GSE1: variants seen among roughly 807,000 people sequenced by gnomAD.
GSE1 encodes Gse1 coiled-coil protein.
Under a neutral mutation model 112.6 loss-of-function variants are expected in GSE1, and 32 were observed. That is an observed-to-expected ratio of 0.28 (90% CI 0.21 to 0.38). The LOEUF is 0.38. Among genes scored for constraint, GSE1 ranks in the 10% least tolerant of loss-of-function variants. The probability of loss-of-function intolerance (pLI) is 1.00; values close to 1 mark genes in which losing one functional copy is unlikely to be tolerated. For synonymous variants in GSE1, 1,115 were observed against 735.6 expected, an observed-to-expected ratio of 1.52 and a Z score of -8.35; for missense variants, 2,348 against 1,699.2, an observed-to-expected ratio of 1.38 and a Z score of -6.71.
At chr16:85,620,727 G>C (rs796427337) in intron 1 of GSE1, among the ~76,000 whole-genome samples, 13 of 152,402 alleles carry the variant, frequency 8.5e-5, no homozygotes, top group African/African-American at 3.1e-4. Flanking sequence ...CGTTTAGATG[G>C]TCTCAGCCTT....
At chr16:85,249,670 G>A (rs1286573372) in intron 1 of GSE1, among the ~76,000 whole-genome samples, 2 of 152,178 alleles carry the variant, frequency 1.3e-5, no homozygotes, top group Non-Finnish European at 2.9e-5. Flanking sequence ...GGCAGGCCTG[G>A]TCCTGGGGCT....
chr16:85,206,430 G>C (rs1290792585), intron 1 of GSE1, among the ~76,000 whole-genome samples: 1 of 152,134 alleles, frequency 6.6e-6, no homozygotes, highest in African/African-American at 2.4e-5. Flanking sequence ...AGCCTGACTG[G>C]AACCAGCAGC....
chr16:85,609,951 C>T (rs2047893206), upstream of GSE1, among the ~76,000 whole-genome samples: 1 of 152,218 alleles, frequency 6.6e-6, no homozygotes, highest in South Asian at 2.1e-4. Context: ...AGCTACCATG[C>T]CCTTAGGAAA....
intron 1 of GSE1, among the ~76,000 whole-genome samples, chr16:85,577,717 A>C (rs561564100): frequency 5.3e-5 from 8 of 152,128 alleles, no homozygotes; most frequent in Admixed American, 1.3e-4. Context: ...TCTACCCTTG[A>C]CTCAGGAACT....
intron 1 of GSE1, among the ~76,000 whole-genome samples, chr16:85,584,875 C>G (rs999144864): frequency 6.6e-6 from 1 of 152,126 alleles, no homozygotes; most frequent in East Asian, 1.9e-4. Flanking sequence ...TGCCAAGACC[C>G]TCGCCCCCTG....
chr16:85,399,377 G>A lies in GSE1; in HGVS notation c.2464+41734G>A, dbSNP rs146543773. Among the ~76,000 whole-genome samples, 21 of 152,256 alleles carry A rather than the reference G, an allele frequency of 1.4e-4. No individual in the cohort carries two copies. The East Asian group carries it at 2.9e-3, about 21-fold the overall frequency. ...GGGGTTCAGTCCACGGGGGCTCCAC[G>A]GCCTTCAGAGTGTCTAATTGTGAAA... is the stretch of plus-strand genomic sequence containing the variant. On this transcript the variant is annotated intron_variant, in intron 2 of 2. Coordinates refer to the GSE1 transcript ENST00000637419.
chr16:85,433,323 G>C (rs2049165434), intron 2 of GSE1, among the ~76,000 whole-genome samples: 1 of 151,988 alleles, frequency 6.6e-6, no homozygotes, highest in Non-Finnish European at 1.5e-5. Context: ...AAGTCACCTG[G>C]GTCCAGTTAC....
intron 2 of GSE1, among the ~76,000 whole-genome samples, chr16:85,468,833 A>G (rs534535591): frequency 1.4e-4 from 21 of 152,332 alleles, no homozygotes; most frequent in African/African-American, 5.0e-4. Context: ...GACCATCTAC[A>G]CTGGGTTGAA....
intron 2 of GSE1, among the ~76,000 whole-genome samples, chr16:85,446,222 A>G (rs1053221231): frequency 3.3e-5 from 5 of 152,192 alleles, no homozygotes; most frequent in African/African-American, 1.2e-4. Context: ...TCCCAGGACA[A>G]CAAGGCCTCT....
chr16:85,542,417 C>G (rs1032042192), intron 2 of GSE1, among the ~76,000 whole-genome samples: 54 of 152,234 alleles, frequency 3.5e-4, no homozygotes, highest in African/African-American at 1.2e-3. Context: ...ACTGCACCTG[C>G]CACAGGGGCA....
intron 2 of GSE1, among the ~76,000 whole-genome samples, chr16:85,443,134 A>G (rs567384837): frequency 2.0e-3 from 302 of 152,322 alleles, no homozygotes; most frequent in African/African-American, 6.9e-3. Flanking sequence ...GTCCTAGCCT[A>G]AGGTTTGAGG....
chr16:85,506,244 G>C (rs1240699358), intron 2 of GSE1, among the ~76,000 whole-genome samples: 3 of 152,284 alleles, frequency 2.0e-5, no homozygotes. Flanking sequence ...TGGCTCTCCA[G>C]CATTTGGAAT....
In GSE1 at chr16:85,419,510, G is replaced by A. The variant is rs1024072674; in HGVS notation, c.2464+61867G>A. Among the ~76,000 whole-genome samples, 1 of 151,876 alleles carries A rather than the reference G, an allele frequency of 6.6e-6. No individual in the cohort carries two copies. The highest frequency in any genetic ancestry group is 6.6e-5 in the Admixed American group (1 of 15,258). On this transcript the variant is annotated intron_variant, in intron 2 of 2. Coordinates refer to the GSE1 transcript ENST00000637419. The surrounding 1 kb of genome is among the most constrained non-coding windows in gnomAD (Gnocchi z 6.5). Reference sequence around the variant, plus strand: ...GGTCCTAGCTACTCGGGAGGCTGAGGTGGGAGGATCGCCTGACCCTGGGAA... The same window carrying A: ...GGTCCTAGCTACTCGGGAGGCTGAGATGGGAGGATCGCCTGACCCTGGGAA...
At chr16:85,572,468 C>CACAT (rs1555535361) in intron 1 of GSE1, among the ~76,000 whole-genome samples, 2 of 148,108 alleles carry the variant, frequency 1.4e-5, no homozygotes, top group Non-Finnish European at 3.0e-5. Context: ...ACACACAACA[C>CACAT]ACATCACACA....
chr16:85,234,648 C>T (rs569058704), intron 1 of GSE1, among the ~76,000 whole-genome samples: 138 of 152,322 alleles, frequency 9.1e-4, no homozygotes, highest in African/African-American at 3.1e-3. Context: ...TTCCCAACGC[C>T]AGGAGGCCCA....
At chr16:85,290,851 G>A (rs2045188749) in intron 1 of GSE1, among the ~76,000 whole-genome samples, 2 of 152,298 alleles carry the variant, frequency 1.3e-5, no homozygotes, top group African/African-American at 4.8e-5. Flanking sequence ...AGCTCGTGCA[G>A]TCCCCTCGTC....
intron 1 of GSE1, among the ~76,000 whole-genome samples, chr16:85,303,559 G>C (rs997542018): frequency 2.0e-5 from 3 of 152,212 alleles, no homozygotes; most frequent in African/African-American, 7.2e-5. Context: ...GACAACTGAG[G>C]GTGGCAGGTT....
At chr16:85,209,195 G>A (rs902851905) in intron 1 of GSE1, among the ~76,000 whole-genome samples, 5 of 152,158 alleles carry the variant, frequency 3.3e-5, no homozygotes, top group Admixed American at 6.5e-5. Context: ...CAGAAGCTGC[G>A]CAGGAATTGG....
intron 1 of GSE1, among the ~76,000 whole-genome samples, chr16:85,291,483 C>T (rs903837075): frequency 1.3e-5 from 2 of 152,254 alleles, no homozygotes; most frequent in Admixed American, 1.3e-4. Flanking sequence ...CCTCCCCCGG[C>T]CCCCGCGTGA....
Sources: gnomAD v4.1 joint callset for allele counts (sites outside exome capture counted in the v4.1 genomes callset) on GRCh38, gnomAD v4.1.1 for gene constraint, Gnocchi (gnomAD v3.1) non-coding constraint, MANE v1.5 for transcripts, NCBI Gene and HGNC (gene_info 2026-07-23, HGNC 2026-07-21) for gene names.